The following CYB5R2 variants were observed in gnomAD, a reference collection of about 807,000 sequenced individuals.
The protein encoded by CYB5R2 is cytochrome b5 reductase 2.
In CYB5R2, 35 loss-of-function variants were observed where a neutral mutation model predicts 29.8. The ratio of observed to expected loss-of-function variants is 1.17; its 90% CI spans 0.90 to 1.56. The LOEUF (loss-of-function observed/expected upper bound fraction) is 1.56. Ranked by LOEUF, CYB5R2 falls within the 40% of genes most tolerant of loss-of-function variation. The pLI, the probability that CYB5R2 is intolerant of heterozygous loss-of-function variation, is 0.00. For missense variants in CYB5R2, 419 were observed against 346.7 expected (o/e 1.21, Z -1.66); for synonymous variants, 169 against 130.6 (o/e 1.29, Z -2.01).
At position 7,672,754 on chromosome 11, in the gene CYB5R2, C is replaced by G. The variant is rs369595286; in HGVS notation, c.72G>C (p.Glu24Asp). ...PEAKYPLPLI[E>D]KEKISHNTRR... Reference sequence around the variant, plus strand: ...CACAGGGCTGACCCATTACCTCTTTCTCAATCAAGGGCAGCGGGTACTTGG... The same window carrying G: ...CACAGGGCTGACCCATTACCTCTTTGTCAATCAAGGGCAGCGGGTACTTGG... The change falls in exon 2 of 9, where the codon GAG (glutamate) becomes GAC (aspartate). Residue 24 changes from glutamate (E) to aspartate (D), a missense_variant. By Grantham distance (45) the Glu-to-Asp change is conservative. Coordinates refer to ENST00000299498, the MANE Select transcript of CYB5R2 (RefSeq NM_016229.5). The G allele has an allele frequency of 6.2e-7, 1 of 1,614,110 alleles. No homozygotes were observed. The highest frequency in any genetic ancestry group is 8.5e-7 in the Non-Finnish European group (1 of 1,180,044).
chr11:7,666,050 C>T (rs1855164641), intron 8 of CYB5R2: 12 of 758,768 alleles, frequency 1.6e-5, no homozygotes, highest in Non-Finnish European at 2.7e-5. Flanking sequence ...TGTCTGGGGG[C>T]TCAGCATGTC....
chr11:7,673,666 G>A (rs1855902135), upstream of CYB5R2: 5 of 985,404 alleles, frequency 5.1e-6, no homozygotes, highest in Non-Finnish European at 4.8e-6. Context: ...CGGCCGTCCC[G>A]ACGGAGATAT....
At position 7,666,561 on chromosome 11, in the gene CYB5R2, A is replaced by G; in HGVS notation, c.559-11T>C. 1 of 1,604,178 alleles carries G rather than the reference A, an allele frequency of 6.2e-7. No individual in the cohort carries two copies. Among genetic ancestry groups the G allele is most frequent in the Non-Finnish European group, 8.5e-7 (1 of 1,171,186 alleles). On this transcript the variant is annotated splice_polypyrimidine_tract_variant and intron_variant, in intron 7 of 8. Transcript: ENST00000299498. ...GATATCCTCCTCTGTCTAGAAAAGA[A>G]GCAACACTGAAAAAGCCCCTCCAGG...
At chr11:7,672,644 G>A in intron 2 of CYB5R2, 104 bp downstream of exon 2, 6 of 888,874 alleles carry the variant, frequency 6.8e-6, no homozygotes, top group East Asian at 3.1e-5. Context: ...ACACACACAG[G>A]GCGGCGGGGA....
intron 1 of CYB5R2, 125 bp from the exon 2 acceptor site, chr11:7,673,016 G>T: frequency 1.1e-6 from 1 of 941,576 alleles, no homozygotes; most frequent in Non-Finnish European, 1.6e-6. Context: ...CAGGAAATAG[G>T]CAAAGAGAAC....
intron 4 of CYB5R2, 145 bp from the exon 5 acceptor site, chr11:7,669,479 C>G: frequency 8.0e-7 from 1 of 1,253,914 alleles, no homozygotes; most frequent in Non-Finnish European, 1.1e-6. Flanking sequence ...GAAGATGAAG[C>G]TGCCACAAGG....
At position 7,668,508 on chromosome 11, in the gene CYB5R2, C is replaced by T. The variant is rs888233946; in HGVS notation, c.442G>A (p.Asp148Asn). The change falls in exon 6 of 9, where the codon GAT (aspartate) becomes AAT (asparagine). Residue 148 changes from aspartate to asparagine, a missense_variant. By Grantham distance (23) the Asp-to-Asn change is conservative. Transcript: ENST00000299498. ...CCCCCAGCAATCATTCCCAGGTGAT[C>T]GGCCAGTGTTTTTTTAGGCTCACTC... ...QTSEPKKTLA[D>N]HLGMIAGGTG... 7 of 1,613,912 alleles carry T rather than the reference C, an allele frequency of 4.3e-6. No individual in the cohort carries two copies. Among genetic ancestry groups the T allele is most frequent in the African/African-American group, 4.0e-5 (3 of 74,880 alleles).
chr11:7,666,401 G>A (rs1855223380), intron 8 of CYB5R2, 50 bp downstream of exon 8: 2 of 1,220,278 alleles, frequency 1.6e-6, no homozygotes, highest in African/African-American at 1.5e-5. Flanking sequence ...CCTCAAAGTG[G>A]TCAAGGGTTG....
chr11:7,665,254 G>T lies in CYB5R2; in HGVS notation c.*120C>A. On this transcript the variant is annotated 3_prime_UTR_variant, in exon 9 of 9. Coordinates refer to ENST00000299498, the MANE Select transcript of CYB5R2 (RefSeq NM_016229.5). Reference sequence around the variant, plus strand: ...CCACACCCAAAAGAGGAGAACCAGTGTGTGCGCGAAGGTACATGGCAAGGC... The same window carrying T: ...CCACACCCAAAAGAGGAGAACCAGTTTGTGCGCGAAGGTACATGGCAAGGC... The T allele has an allele frequency of 2.4e-6, 2 of 840,822 alleles. No individual in the cohort carries two copies. The highest frequency in any genetic ancestry group is 3.6e-6 in the Non-Finnish European group (2 of 557,448). The allele number at this position is 840,822 out of a possible 1,614,324, so 52.1% of individuals were successfully genotyped here. A position where few individuals can be genotyped will look rare whatever the true frequency, so the allele number is the denominator to read the frequency against.
At chr11:7,666,342 C>T in intron 8 of CYB5R2, 109 bp downstream of exon 8, 1 of 715,304 alleles carries the variant, frequency 1.4e-6, no homozygotes, top group Admixed American at 2.4e-5. Context: ...GCTTAACCCC[C>T]ACATCTGGTC....
Position 7,665,370 on chromosome 11 carries a change from G to GGTGT in CYB5R2, c.831_*3dup, listed in dbSNP as rs1334750080. 6.7e-7 allele frequency: 1 copy of GGTGT among 1,495,572 alleles called. No homozygotes were observed. The highest frequency in any genetic ancestry group is 2.4e-5 in the East Asian group (1 of 41,178). 92.6% of individuals were successfully genotyped at this position (1,495,572 alleles called of 1,614,324 possible). ...CATGCAAAATTGCTGAGCACGTGGA[G>GGTGT]GTGTTAGTAGGTGAAAATCATGTCC... On this transcript the variant is annotated 3_prime_UTR_variant, in exon 9 of 9. Transcript: ENST00000299498.
Position 7,672,792 on chromosome 11 carries a change from G to A in CYB5R2, c.34C>T (p.Gln12Ter), listed in dbSNP as rs1590886662. 2 of 1,614,192 alleles carry A rather than the reference G, an allele frequency of 1.2e-6. No individual in the cohort carries two copies. Among genetic ancestry groups the A allele is most frequent in the Non-Finnish European group, 8.5e-7 (1 of 1,180,032 alleles). Residue 12 changes from glutamine (Q) to a stop codon, truncating the protein, a stop_gained, in exon 2 of 9, where the codon CAG becomes TAG. Transcript: ENST00000299498. LOFTEE classifies it high-confidence loss of function. ...AGCGGGTACTTGGCTTCAGGGTCCT[G>A]TAAGGTGATTGGCTCTCTCCTCCTG... ...NSRRREPITL[Q>*]DPEAKYPLPL...
At chr11:7,665,937 G>A in intron 8 of CYB5R2, 2 of 1,535,466 alleles carry the variant, frequency 1.3e-6, no homozygotes, top group Non-Finnish European at 1.7e-6. Context: ...GCCGACCAGG[G>A]ACCTGTATGA....
chr11:7,674,068 C>A, upstream of CYB5R2: 1 of 1,192,278 alleles, frequency 8.4e-7, no homozygotes, highest in Non-Finnish European at 1.1e-6. Context: ...CTGGCCCCTT[C>A]CCTGCACACG....
At chr11:7,672,680 G>A (rs1291458801) in intron 2 of CYB5R2, 68 bp downstream of exon 2, 3 of 1,592,758 alleles carry the variant, frequency 1.9e-6, no homozygotes, top group East Asian at 2.2e-5. Flanking sequence ...TGAGATGACT[G>A]TCTGGATGCC....
chr11:7,668,379 C>G, intron 6 of CYB5R2, 99 bp downstream of exon 6: 1 of 949,182 alleles, frequency 1.1e-6, no homozygotes, highest in Admixed American at 1.7e-5. Context: ...CAGCTGGAGG[C>G]GAAATCTCTC....
In CYB5R2 at chr11:7,665,350, A is replaced by G. The variant is rs1855045325; in HGVS notation, c.*24T>C. 2.0e-6 allele frequency: 3 copies of G among 1,483,108 alleles called. No individual in the cohort carries two copies. The highest frequency in any genetic ancestry group is 2.5e-5 in the Admixed American group (1 of 39,258). The allele number at this position is 1,483,108 out of a possible 1,614,324, so 91.9% of individuals were successfully genotyped here. ...CTGAAACAGATGAAAAGGGACATGC[A>G]AAATTGCTGAGCACGTGGAGGTGTT... On this transcript the variant is annotated 3_prime_UTR_variant, in exon 9 of 9. Coordinates refer to ENST00000299498, the MANE Select transcript of CYB5R2 (RefSeq NM_016229.5).
upstream of CYB5R2, chr11:7,673,808 AGCTCCGCCTGG>A (rs1855913449): frequency 1.0e-6 from 1 of 987,226 alleles, no homozygotes; most frequent in South Asian, 4.7e-5. Flanking sequence ...GTCGCCCCGC[AGCTCCGCCTGG>A]CCGACGGGGA....
rs35342609 is a variant in CYB5R2, at chr11:7,665,261, C to T, written c.*113G>A. 20,928 of 934,162 alleles carry T rather than the reference C, an allele frequency of 0.022. 312 individuals carry two copies. Among genetic ancestry groups the T allele is most frequent in the Non-Finnish European group, 0.028 (17,837 of 634,778 alleles). 57.9% of individuals were successfully genotyped at this position (934,162 alleles called of 1,614,324 possible). A position where few individuals can be genotyped will look rare whatever the true frequency, so the allele number is the denominator to read the frequency against. On this transcript the variant is annotated 3_prime_UTR_variant, in exon 9 of 9. Transcript: ENST00000299498. Reference sequence around the variant, plus strand: ...CAAAAGAGGAGAACCAGTGTGTGCGCGAAGGTACATGGCAAGGCACTTTTG... The same window carrying T: ...CAAAAGAGGAGAACCAGTGTGTGCGTGAAGGTACATGGCAAGGCACTTTTG...
Sources: allele counts gnomAD v4.1 joint callset, GRCh38; gene constraint gnomAD v4.1.1; transcripts MANE v1.5; gene names NCBI Gene and HGNC (gene_info 2026-07-23, HGNC 2026-07-21).